CPD: variants seen among roughly 807,000 people sequenced by gnomAD.
CPD encodes the protein carboxypeptidase D, also known as metallocarboxypeptidase D.
A neutral mutation model predicts 138.3 loss-of-function variants in CPD; 69 were observed. That is an observed-to-expected ratio of 0.50 (90% CI 0.41 to 0.61). CPD has a LOEUF of 0.61. Among genes scored for constraint, CPD ranks in the 20% least tolerant of loss-of-function variants. The pLI is 0.00. For missense variants in CPD, 1,432 were observed against 1,733.3 expected, an observed-to-expected ratio of 0.83 and a Z score of 3.09; for synonymous variants, 651 against 642.1, an observed-to-expected ratio of 1.01 and a Z score of -0.21.
intron 7 of CPD, among the ~76,000 whole-genome samples, chr17:30,430,193 G>A (rs1201225628): frequency 2.0e-5 from 3 of 151,982 alleles, no homozygotes; most frequent in Non-Finnish European, 4.4e-5. Flanking sequence ...GGCGTTTAGT[G>A]CATTCATAGT....
At chr17:30,427,697 G>T in intron 7 of CPD, 139 bp downstream of exon 7, 1 of 709,288 alleles carries the variant, frequency 1.4e-6, no homozygotes, top group Non-Finnish European at 2.3e-6. Context: ...AACAGTAAAG[G>T]TCTTTTCTCA....
At chr17:30,411,341 G>A (rs1207632750) in intron 2 of CPD, among the ~76,000 whole-genome samples, 1 of 152,086 alleles carries the variant, frequency 6.6e-6, no homozygotes, top group Admixed American at 6.5e-5. Context: ...GTGTCTTGGA[G>A]TTGCTCTTCT....
Position 30,456,467 on chromosome 17 carries a change from A to C in CPD, c.3439A>C (p.Asn1147His). ...ATCTCTTAATGCTTTTATAGATGAG[A>C]ATATTCCAGGAGGAGTAATGCGTGG... ...QPSCPNKSDE[N>H]IPGGVMRGAE... The change falls in exon 17 of 21, where the codon AAT becomes CAT. Residue 1147 changes from asparagine to histidine, a missense_variant. Transcript: ENST00000225719. 9 of 1,614,164 alleles carry C rather than the reference A, an allele frequency of 5.6e-6. No individual in the cohort carries two copies. The highest frequency in any genetic ancestry group is 7.6e-6 in the Non-Finnish European group (9 of 1,180,002).
chr17:30,454,641 T>G (rs1396225487), intron 14 of CPD: 3 of 153,176 alleles, frequency 2.0e-5, no homozygotes, highest in African/African-American at 7.2e-5. Context: ...CAGCAACACC[T>G]GGCTCTATTG....
At chr17:30,455,529 A>C in intron 15 of CPD, 59 bp downstream of exon 15, 1 of 1,554,004 alleles carries the variant, frequency 6.4e-7, no homozygotes, top group Non-Finnish European at 8.7e-7. Context: ...AATCCCAATT[A>C]AGTAATGTCC....
chr17:30,451,065 G>A (rs905400116), intron 13 of CPD, among the ~76,000 whole-genome samples: 4 of 152,094 alleles, frequency 2.6e-5, no homozygotes, highest in South Asian at 2.1e-4. Context: ...TTTTATATAC[G>A]TCATTATATC....
intron 20 of CPD, among the ~76,000 whole-genome samples, chr17:30,463,943 A>G (rs1913560762): frequency 6.6e-6 from 1 of 152,168 alleles, no homozygotes; most frequent in Non-Finnish European, 1.5e-5. Context: ...ACCTTGTACA[A>G]ATTTAAAATA....
At chr17:30,382,595 A>G (rs1911077195) in intron 1 of CPD, among the ~76,000 whole-genome samples, 1 of 152,230 alleles carries the variant, frequency 6.6e-6, no homozygotes, top group Non-Finnish European at 1.5e-5. Context: ...AGGAAAATCG[A>G]AGTGAATTTT....
At chr17:30,462,769 T>C (rs879392720) in intron 20 of CPD, among the ~76,000 whole-genome samples, 19 of 152,184 alleles carry the variant, frequency 1.2e-4, no homozygotes, top group Non-Finnish European at 4.4e-5. Context: ...CCTTCAGCGC[T>C]GAGAACCTCC....
chr17:30,409,167 T>C (rs896133795), intron 2 of CPD, among the ~76,000 whole-genome samples: 23 of 152,204 alleles, frequency 1.5e-4, no homozygotes, highest in Admixed American at 9.2e-4. Flanking sequence ...ATTTATTGAT[T>C]TGCATATGTT....
intron 2 of CPD, among the ~76,000 whole-genome samples, chr17:30,404,892 T>C (rs1321479203): frequency 6.6e-6 from 1 of 152,176 alleles, no homozygotes; most frequent in African/African-American, 2.4e-5. Context: ...TATACTACTT[T>C]GTTGTCATAC....
At chr17:30,443,713 T>G (rs1337854373) in intron 10 of CPD, 89 bp from the exon 11 acceptor site, 2 of 1,268,626 alleles carry the variant, frequency 1.6e-6, no homozygotes, top group Admixed American at 2.2e-5. Context: ...TTATTTGTGT[T>G]GACAATCTGT....
intron 14 of CPD, among the ~76,000 whole-genome samples, chr17:30,453,345 G>T (rs1913214284): frequency 1.3e-5 from 2 of 152,194 alleles, no homozygotes; most frequent in South Asian, 4.1e-4. Context: ...CCAAAATGGA[G>T]GGGCTACAGG....
chr17:30,412,463 C>T (rs138409639), intron 2 of CPD, among the ~76,000 whole-genome samples: 1 of 152,190 alleles, frequency 6.6e-6, no homozygotes, highest in South Asian at 2.1e-4. Context: ...GCCTTTTTTT[C>T]AGCTATGCCC....
At chr17:30,384,601 G>C (rs571468596) in intron 1 of CPD, among the ~76,000 whole-genome samples, 51 of 152,226 alleles carry the variant, frequency 3.4e-4, no homozygotes, top group African/African-American at 1.2e-3. Context: ...CTACCAAAAA[G>C]AAAAGGGTGA....
Position 30,467,681 on chromosome 17 carries a change from G to A in CPD, c.*2867G>A, listed in dbSNP as rs1913680050. ...ATTATGAGTTGACAAATAAATAAAA[G>A]GTAGTGTTTATGTCTGAGCTTATTG... On this transcript the variant is annotated 3_prime_UTR_variant, in exon 21 of 21. Transcript: ENST00000225719. The A allele has an allele frequency of 6.6e-6, 1 of 152,152 alleles. No individual in the cohort carries two copies. 9.4% of individuals were successfully genotyped at this position (152,152 alleles called of 1,614,324 possible).
At chr17:30,394,884 C>T (rs1008116060) in intron 2 of CPD, among the ~76,000 whole-genome samples, 9 of 140,276 alleles carry the variant, frequency 6.4e-5, no homozygotes, top group African/African-American at 2.5e-4. Flanking sequence ...AGACAGCAAG[C>T]GAGTGAGCAT....
In CPD at chr17:30,451,705, C is replaced by T. The variant is rs755230766; in HGVS notation, c.3070-6C>T. ...AGTAACTCGTTAATTTCTGTTTGTG[C>T]TTCAGTTGGTTGACAGGACTAGGAT... is the stretch of plus-strand genomic sequence containing the variant. On this transcript the variant is annotated splice_polypyrimidine_tract_variant and splice_region_variant and intron_variant, in intron 13 of 20. Transcript: ENST00000225719. 1.2e-6 allele frequency: 2 copies of T among 1,611,490 alleles called. No individual in the cohort carries two copies. The highest frequency in any genetic ancestry group is 2.7e-5 in the African/African-American group (2 of 74,840).
At chr17:30,420,081 G>T (rs991047351) in intron 2 of CPD, among the ~76,000 whole-genome samples, 4 of 152,192 alleles carry the variant, frequency 2.6e-5, no homozygotes, top group Non-Finnish European at 4.4e-5. Flanking sequence ...AGAAAATCAA[G>T]TGACAAGAAT....
Sources: gnomAD v4.1 joint callset for allele counts (sites outside exome capture counted in the v4.1 genomes callset) on GRCh38, gnomAD v4.1.1 for gene constraint, MANE v1.5 for transcripts, NCBI Gene and HGNC (gene_info 2026-07-23, HGNC 2026-07-21) for gene names.